The following RBFOX1 variants were observed in gnomAD, a reference collection of about 807,000 sequenced individuals.
RBFOX1 encodes RNA binding fox-1 homolog 1.
Under a neutral mutation model 57.7 loss-of-function variants are expected in RBFOX1, and 8 were observed. The ratio of observed to expected loss-of-function variants is 0.14; its 90% confidence interval spans 0.08 to 0.25. The LOEUF is 0.25. Among genes scored for constraint, RBFOX1 ranks in the 10% least tolerant of loss-of-function variants. The pLI is 1.00. For missense variants in RBFOX1, 611 were observed against 548.5 expected, an observed-to-expected ratio of 1.11 and a Z score of -1.14; for synonymous variants, 326 against 222.4, an observed-to-expected ratio of 1.47 and a Z score of -4.15.
At chr16:6,754,861 C>T (rs11864470) in intron 3 of RBFOX1, among the ~76,000 whole-genome samples, 2 of 151,854 alleles carry the variant, frequency 1.3e-5, no homozygotes, top group East Asian at 2.0e-4. Context: ...CCTCTCCCCC[C>T]ACCCCACAAC....
At chr16:7,102,408 A>G (rs754923977) in intron 4 of RBFOX1, among the ~76,000 whole-genome samples, 2 of 152,232 alleles carry the variant, frequency 1.3e-5, no homozygotes, top group African/African-American at 4.8e-5. Flanking sequence ...GCTTTCAAGC[A>G]TTCACTTTTG....
At chr16:6,903,281 G>C (rs553401250) in intron 3 of RBFOX1, among the ~76,000 whole-genome samples, 1 of 152,290 alleles carries the variant, frequency 6.6e-6, no homozygotes, top group East Asian at 1.9e-4. Context: ...ATATGGCCAG[G>C]AGGGCTGACC....
At chr16:7,221,453 C>T (rs1006191562) in intron 4 of RBFOX1, among the ~76,000 whole-genome samples, 1 of 151,892 alleles carries the variant, frequency 6.6e-6, no homozygotes, top group Non-Finnish European at 1.5e-5. Flanking sequence ...TGCAACCTCT[C>T]CCTCCCAGGT....
chr16:7,548,761 G>A (rs889086721), intron 5 of RBFOX1, among the ~76,000 whole-genome samples: 9 of 152,146 alleles, frequency 5.9e-5, no homozygotes, highest in Admixed American at 1.3e-4. Flanking sequence ...ACTTGAGGCC[G>A]CCATGTTTGC....
intron 2 of RBFOX1, among the ~76,000 whole-genome samples, chr16:6,466,214 A>G (rs184041309): frequency 6.7e-6 from 1 of 150,252 alleles, no homozygotes; most frequent in East Asian, 1.9e-4. Context: ...TGGGCGACAG[A>G]TTAAAACTCT....
intron 1 of RBFOX1, among the ~76,000 whole-genome samples, chr16:5,450,083 G>T (rs1221945400): frequency 6.6e-6 from 1 of 152,166 alleles, no homozygotes; most frequent in African/African-American, 2.4e-5. Flanking sequence ...GAGAAAGCAG[G>T]AACTATGTAA....
At position 6,956,919 on chromosome 16, in the gene RBFOX1, C is replaced by A. The variant is rs1031960132; in HGVS notation, c.-15-95138C>A. ...GCTAGTTGTGTTACCAGGAAGGGGT[C>A]CAGATCCAGACCCCAAGTGAGAGTT... On this transcript the variant is annotated intron_variant, in intron 3 of 15. Coordinates refer to ENST00000550418, the MANE Select transcript of RBFOX1 (RefSeq NM_018723.4). Among the ~76,000 whole-genome samples, 6 of 151,952 alleles carry A rather than the reference C, an allele frequency of 3.9e-5. 1 individual carries two copies. In the South Asian group the frequency reaches 1.0e-3, roughly 26 times the overall value.
At chr16:6,342,950 C>T (rs1356763392) in intron 2 of RBFOX1, among the ~76,000 whole-genome samples, 1 of 152,062 alleles carries the variant, frequency 6.6e-6, no homozygotes, top group Non-Finnish European at 1.5e-5. Flanking sequence ...AAACTTCTGT[C>T]GCTTTATATT....
intron 4 of RBFOX1, among the ~76,000 whole-genome samples, chr16:5,868,471 C>T (rs115313269): frequency 2.0e-5 from 3 of 152,176 alleles, no homozygotes; most frequent in Non-Finnish European, 4.4e-5. Context: ...ATCACACAGT[C>T]GTTAGTAGGG....
rs76278334 is a variant in RBFOX1 at position 6,691,602 on chromosome 16, A to C, written c.-16+36952A>C. 2.0e-5 allele frequency among the ~76,000 whole-genome samples: 3 copies of C among 152,244 alleles called. No individual in the cohort carries two copies. In the South Asian group the frequency reaches 6.2e-4, roughly 32 times the overall value. The stretch of plus-strand genomic sequence containing the variant: ...CATCTTTACATCAATCCCAGGAAGA[A>C]AGAATGTGTGCCTCCACTGTTTAAG... On this transcript the variant is annotated intron_variant, in intron 3 of 15. Transcript: ENST00000550418.
At chr16:6,528,184 C>T (rs949623532) in intron 2 of RBFOX1, among the ~76,000 whole-genome samples, 1 of 152,130 alleles carries the variant, frequency 6.6e-6, no homozygotes, top group Non-Finnish European at 1.5e-5. Flanking sequence ...TTTATCCTCC[C>T]CCCATAAATT....
intron 3 of RBFOX1, among the ~76,000 whole-genome samples, chr16:5,613,612 A>G (rs1369820828): frequency 6.6e-6 from 1 of 152,160 alleles, no homozygotes; most frequent in Non-Finnish European, 1.5e-5. Flanking sequence ...TTTGATGGAC[A>G]AATTCAGACC....
At chr16:6,899,616 G>C (rs1486431230) in intron 3 of RBFOX1, among the ~76,000 whole-genome samples, 2 of 151,996 alleles carry the variant, frequency 1.3e-5, no homozygotes, top group African/African-American at 4.8e-5. Flanking sequence ...GTCAGCCTTA[G>C]TTTTCTCATC....
chr16:6,810,828 G>C (rs1211077866), intron 3 of RBFOX1, among the ~76,000 whole-genome samples: 1 of 152,104 alleles, frequency 6.6e-6, no homozygotes, highest in Non-Finnish European at 1.5e-5. Context: ...AGAACAGTGT[G>C]CCGGGAAAGG....
chr16:6,745,253 C>G (rs771205066), intron 3 of RBFOX1, among the ~76,000 whole-genome samples: 9 of 152,064 alleles, frequency 5.9e-5, no homozygotes, highest in Non-Finnish European at 8.8e-5. Context: ...CAAAACATTT[C>G]TTTCAGAAAA....
chr16:5,436,842 A>G (rs1280981068), intron 1 of RBFOX1, among the ~76,000 whole-genome samples: 1 of 152,218 alleles, frequency 6.6e-6, no homozygotes, highest in Non-Finnish European at 1.5e-5. Flanking sequence ...CGCTTCAAAA[A>G]AAAAAAAAGT....
chr16:5,736,623 A>C (rs1467061800), intron 3 of RBFOX1, among the ~76,000 whole-genome samples: 1 of 151,624 alleles, frequency 6.6e-6, no homozygotes, highest in Non-Finnish European at 1.5e-5. Flanking sequence ...AATTTTTCTT[A>C]ATTTATTTTT....
At chr16:7,607,463 T>A (rs1302004575) in intron 10 of RBFOX1, 125 bp downstream of exon 10, 2 of 907,580 alleles carry the variant, frequency 2.2e-6, no homozygotes, top group Non-Finnish European at 3.5e-6. Context: ...AAGTTCTGAA[T>A]GATTTCTTTG....
chr16:7,157,074 T>C (rs929888975), intron 4 of RBFOX1, among the ~76,000 whole-genome samples: 1 of 152,218 alleles, frequency 6.6e-6, no homozygotes, highest in Non-Finnish European at 1.5e-5. Flanking sequence ...TACTTGATTA[T>C]GCTACTAAAT....
Sources: allele counts gnomAD v4.1 joint callset (sites outside exome capture counted in the v4.1 genomes callset), GRCh38; gene constraint gnomAD v4.1.1; transcripts MANE v1.5; gene names NCBI Gene and HGNC (gene_info 2026-07-23, HGNC 2026-07-21).